Variants in GALNT11 observed in about 807,000 individuals in gnomAD.
The protein encoded by GALNT11 is polypeptide N-acetylgalactosaminyltransferase 11.
In GALNT11, 47 loss-of-function variants were observed where a neutral mutation model predicts 72.7. That is an observed-to-expected ratio of 0.65 (90% CI 0.51 to 0.82). GALNT11 has a LOEUF of 0.82. Among genes scored for constraint, GALNT11 ranks in the 40% least tolerant of loss-of-function variants. The probability of loss-of-function intolerance (pLI) is 0.00; values close to 1 mark genes in which losing one functional copy is unlikely to be tolerated. For missense variants in GALNT11, 677 were observed against 778.4 expected (o/e 0.87, Z 1.55); for synonymous variants, 270 against 286.6 (o/e 0.94, Z 0.58).
At chr7:152,055,740 T>C (rs1314715374) in intron 1 of GALNT11, among the ~76,000 whole-genome samples, 1 of 152,116 alleles carries the variant, frequency 6.6e-6, no homozygotes, top group African/African-American at 2.4e-5. Flanking sequence ...TTAAAGTCAT[T>C]AGCATTTCCT....
At position 152,094,189 on chromosome 7, in the gene GALNT11, G is replaced by A; in HGVS notation, c.-38-1G>A. 6.5e-7 allele frequency: 1 copy of A among 1,531,366 alleles called. No homozygotes were observed. The highest frequency in any genetic ancestry group is 8.8e-7 in the Non-Finnish European group (1 of 1,141,082). 94.9% of individuals were successfully genotyped at this position (1,531,366 alleles called of 1,614,324 possible). On this transcript the variant is annotated splice_acceptor_variant, in intron 1 of 11. Transcript: ENST00000430044. LOFTEE classifies it low-confidence loss of function (5UTR_SPLICE). This position sits in a 1 kb window ranked among gnomAD's most constrained non-coding sequence, Gnocchi z 4.3. The stretch of plus-strand genomic sequence containing the variant: ...CTAACATATTTATTCTTCTTTTTTA[G>A]GAAATTGACAATGGCCCTTCAGCTA...
intron 5 of GALNT11, chr7:152,107,799 C>T (rs918888304): frequency 3.0e-5 from 11 of 365,640 alleles, no homozygotes; most frequent in South Asian, 6.7e-5. Context: ...TCAAGAGTCG[C>T]GCGTATGATT....
intron 1 of GALNT11, among the ~76,000 whole-genome samples, chr7:152,069,491 T>C (rs1482210938): frequency 6.6e-6 from 1 of 152,238 alleles, no homozygotes; most frequent in Non-Finnish European, 1.5e-5. Flanking sequence ...TTCTGGCTGC[T>C]TGATCTGTCA....
chr7:152,114,192 A>G (rs1025840825), intron 8 of GALNT11, among the ~76,000 whole-genome samples: 3 of 152,056 alleles, frequency 2.0e-5, no homozygotes, highest in Admixed American at 2.0e-4. Context: ...TTTCTTTGTA[A>G]TGATTTATTG....
rs148699102 is a variant in GALNT11, at chr7:152,119,109, G to A, written c.1557+327G>A. ...TATGTTTTTCCTATCTCTGCTCGTC[G>A]TCATAGAGCATTTTAGTTGTTTACA... is the stretch of plus-strand genomic sequence containing the variant. On this transcript the variant is annotated intron_variant, in intron 10 of 11. Transcript: ENST00000430044. 2.6e-3 allele frequency: 482 copies of A among 183,276 alleles called. 3 individuals are homozygous for A. Among genetic ancestry groups the A allele is most frequent in the African/African-American group, 0.01 (429 of 42,720 alleles). 11.4% of individuals were successfully genotyped at this position (183,276 alleles called of 1,614,324 possible). A position where few individuals can be genotyped will look rare whatever the true frequency, so the allele number is the denominator to read the frequency against.
intron 10 of GALNT11, 77 bp downstream of exon 10, chr7:152,118,859 C>G (rs1053652482): frequency 2.1e-5 from 24 of 1,137,110 alleles, no homozygotes; most frequent in Middle Eastern, 2.0e-4. Context: ...CCAGTCACTC[C>G]TGAGGACATC....
chr7:152,047,125 C>A (rs2083166848), intron 1 of GALNT11, among the ~76,000 whole-genome samples: 1 of 151,968 alleles, frequency 6.6e-6, no homozygotes, highest in South Asian at 2.1e-4. Context: ...GTTTGTAATC[C>A]CAGCACTTTG....
At chr7:152,027,006 T>A (rs2082049823) in intron 1 of GALNT11, among the ~76,000 whole-genome samples, 1 of 152,198 alleles carries the variant, frequency 6.6e-6, no homozygotes, top group African/African-American at 2.4e-5. Context: ...TCCCAGCACT[T>A]TGGAAGGCCA....
intron 1 of GALNT11, among the ~76,000 whole-genome samples, chr7:152,059,697 A>G (rs1174379513): frequency 6.6e-6 from 1 of 152,188 alleles, no homozygotes; most frequent in Non-Finnish European, 1.5e-5. Context: ...AATCTTTCTG[A>G]TTAGTAGGTC....
At chr7:152,077,421 C>G (rs2085053317) in intron 1 of GALNT11, among the ~76,000 whole-genome samples, 1 of 152,092 alleles carries the variant, frequency 6.6e-6, no homozygotes. Flanking sequence ...TTAACTGACT[C>G]ACAGGAGGAC....
In GALNT11 at chr7:152,118,673, T is replaced by TACAG; in HGVS notation, c.1453-4_1453-1dup. On this transcript the variant is annotated splice_polypyrimidine_tract_variant and splice_region_variant and intron_variant, in intron 9 of 11. Coordinates refer to ENST00000430044, the MANE Select transcript of GALNT11 (RefSeq NM_022087.4). ...CCACATTCTGAGCTGTGCCTTCTCT[T>TACAG]ACAGCTCTATCACCTCCAGACCAAC... The TACAG allele has an allele frequency of 6.2e-7, 1 of 1,607,724 alleles. No homozygotes were observed. The highest frequency in any genetic ancestry group is 8.5e-7 in the Non-Finnish European group (1 of 1,177,302).
chr7:152,106,249 A>G lies in GALNT11; in HGVS notation c.712+879A>G, dbSNP rs142384410. ...GAACTTGGTGGGGATATTCCCTAGC[A>G]GTGACAGCATCTACTGCAGTCCTTC... On this transcript the variant is annotated intron_variant, in intron 5 of 11. Coordinates refer to ENST00000430044, the MANE Select transcript of GALNT11 (RefSeq NM_022087.4). Among the ~76,000 whole-genome samples, 106 of 152,384 alleles carry G rather than the reference A, an allele frequency of 7.0e-4. 1 individual carries two copies. Among genetic ancestry groups the G allele is most frequent in the African/African-American group, 2.5e-3 (103 of 41,594 alleles).
chr7:152,108,108 C>T lies in GALNT11; in HGVS notation c.783C>T (p.Ala261=), dbSNP rs372810276. The T allele has an allele frequency of 3.1e-6, 5 of 1,613,964 alleles. No homozygotes were observed. The African/African-American group carries it at 6.7e-5, about 22-fold the overall frequency. ...TGTGGCTGCAGCCCTTGCTGGCCGC[C>T]ATCCGTGAGGACCGGCACACCGTGG... ...NVMWLQPLLA[A]IREDRHTVVC... is the part of the protein sequence containing the mutation. Residue 261 remains alanine, a synonymous_variant, in exon 6 of 12, where the codon GCC becomes GCT. Transcript: ENST00000430044.
chr7:152,030,827 TTC>T (rs1281088206), intron 1 of GALNT11, among the ~76,000 whole-genome samples: 2 of 152,322 alleles, frequency 1.3e-5, no homozygotes, highest in East Asian at 3.9e-4. Context: ...TTCTGTTTCT[TTC>T]TCTCTTTCCT....
rs2088089442 is a variant in GALNT11 at position 152,110,735 on chromosome 7, A to AT, written c.1080+92dup. 2.9e-6 allele frequency: 3 copies of AT among 1,052,530 alleles called. No homozygotes were observed. In the African/African-American group the frequency reaches 4.9e-5, roughly 17 times the overall value. 65.2% of individuals were successfully genotyped at this position (1,052,530 alleles called of 1,614,324 possible). A position where few individuals can be genotyped will look rare whatever the true frequency, so the allele number is the denominator to read the frequency against. ...TCATATTTTCTTTATATTCTCCTTG[A>AT]TTATTTTTTTTTCGAGATAGGGTCT... On this transcript the variant is annotated intron_variant, in intron 7 of 11. Coordinates refer to ENST00000430044, the MANE Select transcript of GALNT11 (RefSeq NM_022087.4).
At chr7:152,119,002 A>T in intron 10 of GALNT11, 1 of 372,046 alleles carries the variant, frequency 2.7e-6, no homozygotes, top group Non-Finnish European at 4.8e-6. Flanking sequence ...ACCGAAAAAA[A>T]CTGCAACCTC....
intron 1 of GALNT11, among the ~76,000 whole-genome samples, chr7:152,087,748 G>C (rs1350088420): frequency 2.0e-5 from 3 of 152,146 alleles, no homozygotes; most frequent in Admixed American, 2.0e-4. Flanking sequence ...GACTATCTTG[G>C]TTCAGTGCAA....
At chr7:152,072,140 T>A (rs1403299798) in intron 1 of GALNT11, among the ~76,000 whole-genome samples, 1 of 151,446 alleles carries the variant, frequency 6.6e-6, no homozygotes, top group Non-Finnish European at 1.5e-5. Context: ...GCCAACATGA[T>A]GAAACCCCAT....
At chr7:152,027,568 C>T (rs1039062964) in intron 1 of GALNT11, 2 of 152,538 alleles carry the variant, frequency 1.3e-5, no homozygotes, top group African/African-American at 4.8e-5. Flanking sequence ...ATAATAGCAT[C>T]AGCCCCAAGT....
Sources: gnomAD v4.1 joint callset for allele counts (sites outside exome capture counted in the v4.1 genomes callset) on GRCh38, gnomAD v4.1.1 for gene constraint, Gnocchi (gnomAD v3.1) non-coding constraint, MANE v1.5 for transcripts, NCBI Gene and HGNC (gene_info 2026-07-23, HGNC 2026-07-21) for gene names.